The following PRKN variants were observed in gnomAD, a reference collection of about 807,000 sequenced individuals.
The protein encoded by PRKN is parkin RBR E3 ubiquitin protein ligase, also known as E3 ubiquitin-protein ligase parkin.
A neutral mutation model predicts 59.5 loss-of-function variants in PRKN; 56 were observed. That is an observed-to-expected ratio of 0.94 (90% CI 0.76 to 1.18). The LOEUF is 1.18. Ranked by LOEUF, PRKN falls within the 50% of genes most tolerant of loss-of-function variation. The pLI is 0.00. For synonymous variants in PRKN, 250 were observed against 222.1 expected (o/e 1.13, Z -1.12); for missense variants, 657 against 596.4 (o/e 1.10, Z -1.06).
chr6:162,546,641 A>C (rs1779128790), intron 1 of PRKN, among the ~76,000 whole-genome samples: 2 of 151,528 alleles, frequency 1.3e-5, no homozygotes, highest in Admixed American at 6.6e-5. Flanking sequence ...ATGGGGTTTC[A>C]CCATGCTGGC....
chr6:162,640,905 C>T (rs1188819026), intron 1 of PRKN, among the ~76,000 whole-genome samples: 1 of 152,136 alleles, frequency 6.6e-6, no homozygotes, highest in Non-Finnish European at 1.5e-5. Context: ...GAAAAGAGCT[C>T]TTGCTTGATG....
intron 2 of PRKN, among the ~76,000 whole-genome samples, chr6:162,349,377 G>T (rs962692734): frequency 6.6e-6 from 1 of 152,156 alleles, no homozygotes; most frequent in Non-Finnish European, 1.5e-5. Flanking sequence ...AGAGGCAGGA[G>T]AATCGCTGGA....
intron 1 of PRKN, among the ~76,000 whole-genome samples, chr6:162,662,397 T>G (rs939304174): frequency 6.6e-6 from 1 of 152,188 alleles, no homozygotes; most frequent in Non-Finnish European, 1.5e-5. Context: ...TGATTGTTTC[T>G]TTTGCTGAGA....
chr6:162,297,216 G>A (rs1781721926), intron 2 of PRKN, among the ~76,000 whole-genome samples: 1 of 146,956 alleles, frequency 6.8e-6, no homozygotes, highest in East Asian at 2.0e-4. Context: ...CGCAAAGGCA[G>A]CTGGCTGTGA....
intron 5 of PRKN, among the ~76,000 whole-genome samples, chr6:161,973,975 G>A (rs963154400): frequency 6.6e-6 from 1 of 152,216 alleles, no homozygotes; most frequent in Admixed American, 6.5e-5. Flanking sequence ...AGACACAGAA[G>A]TGCAGCAGAG....
chr6:162,639,663 G>A (rs549922420), intron 1 of PRKN, among the ~76,000 whole-genome samples: 5 of 132,202 alleles, frequency 3.8e-5, no homozygotes, highest in East Asian at 2.4e-4. Context: ...TACACTGAAC[G>A]GAAAAACACT....
intron 9 of PRKN, among the ~76,000 whole-genome samples, chr6:161,418,696 A>G (rs1283216067): frequency 1.3e-5 from 2 of 152,156 alleles, no homozygotes; most frequent in Non-Finnish European, 2.9e-5. Flanking sequence ...GAAAAAGATT[A>G]TTTTCTTTCA....
intron 5 of PRKN, among the ~76,000 whole-genome samples, chr6:162,021,922 C>T (rs1783220787): frequency 6.6e-6 from 1 of 152,058 alleles, no homozygotes. Context: ...GTTTAGTTCC[C>T]ACTTATAAGT....
chr6:161,579,446 C>T lies in PRKN; in HGVS notation c.872-10030G>A, dbSNP rs757874102. 1.3e-5 allele frequency among the ~76,000 whole-genome samples: 2 copies of T among 152,104 alleles called. No individual in the cohort carries two copies. The highest frequency in any genetic ancestry group is 2.9e-5 in the Non-Finnish European group (2 of 68,014). ...GTTCCAAACAATGTATAGACATGAA[C>T]ATTTATGGAACACTCCCCTGTTTAT... On this transcript the variant is annotated intron_variant, in intron 7 of 11. Transcript: ENST00000366898. The surrounding 1 kb of genome is among the most constrained non-coding windows in gnomAD (Gnocchi z 4.2).
chr6:162,334,022 C>T (rs974176802), intron 2 of PRKN, among the ~76,000 whole-genome samples: 3 of 152,172 alleles, frequency 2.0e-5, no homozygotes. Context: ...AAAGCCTAAT[C>T]TAAAGCAAGG....
chr6:162,596,277 G>A (rs1169830514), intron 1 of PRKN, among the ~76,000 whole-genome samples: 1 of 152,048 alleles, frequency 6.6e-6, no homozygotes, highest in Non-Finnish European at 1.5e-5. Flanking sequence ...ATTTCCACAA[G>A]TGACAACTCA....
intron 1 of PRKN, among the ~76,000 whole-genome samples, chr6:162,588,878 G>A (rs1329765712): frequency 2.0e-5 from 3 of 152,038 alleles, no homozygotes; most frequent in Admixed American, 6.6e-5. Context: ...CACCATTAAC[G>A]TACAGTGCCA....
chr6:161,940,191 T>C (rs1431854793), intron 6 of PRKN, among the ~76,000 whole-genome samples: 1 of 152,040 alleles, frequency 6.6e-6, no homozygotes, highest in Non-Finnish European at 1.5e-5. Context: ...CCACCACACC[T>C]GGCCAATGGA....
chr6:162,199,982 A>G (rs2128329829), intron 4 of PRKN, among the ~76,000 whole-genome samples: 1 of 152,086 alleles, frequency 6.6e-6, no homozygotes, highest in Non-Finnish European at 1.5e-5. Flanking sequence ...CCCCATCTTC[A>G]AGTCTAATGG....
chr6:162,456,470 C>A (rs1033500789), intron 1 of PRKN, among the ~76,000 whole-genome samples: 1 of 152,024 alleles, frequency 6.6e-6, no homozygotes, highest in Non-Finnish European at 1.5e-5. Context: ...GCTTATGGTA[C>A]AAGAGAATTT....
chr6:162,596,026 A>C (rs116266238), intron 1 of PRKN, among the ~76,000 whole-genome samples: 468 of 152,300 alleles, frequency 3.1e-3, no homozygotes, highest in African/African-American at 0.011. Flanking sequence ...AAAAATTCCA[A>C]ATTTAATTGC....
At chr6:161,887,827 C>G (rs116616613) in intron 6 of PRKN, among the ~76,000 whole-genome samples, 2 of 152,028 alleles carry the variant, frequency 1.3e-5, no homozygotes, top group African/African-American at 4.8e-5. Flanking sequence ...AAGGTCGATG[C>G]GATTTTTACC....
chr6:161,980,470 G>A (rs78973027), intron 5 of PRKN, among the ~76,000 whole-genome samples: 2,141 of 152,250 alleles, frequency 0.014, 54 homozygotes, highest in African/African-American at 0.049. Flanking sequence ...TTCAACTGAC[G>A]GAATTGAATG....
At chr6:161,512,336 A>T (rs796373685) in intron 9 of PRKN, among the ~76,000 whole-genome samples, 5 of 133,028 alleles carry the variant, frequency 3.8e-5, no homozygotes, top group African/African-American at 1.5e-4. Context: ...CACTTGGCCA[A>T]AAAGGGAGGC....
Sources: gnomAD v4.1 joint callset for allele counts (sites outside exome capture counted in the v4.1 genomes callset) on GRCh38, gnomAD v4.1.1 for gene constraint, Gnocchi (gnomAD v3.1) non-coding constraint, MANE v1.5 for transcripts, NCBI Gene and HGNC (gene_info 2026-07-23, HGNC 2026-07-21) for gene names.